The following SUFU variants were observed in gnomAD, a reference collection of about 807,000 sequenced individuals.
The protein encoded by SUFU is SUFU negative regulator of hedgehog signaling.
SUFU carries 7 observed loss-of-function variants against 58.9 expected under a neutral mutation model. The observed-to-expected ratio is 0.12, with a 90% CI of 0.07 to 0.22. The LOEUF (loss-of-function observed/expected upper bound fraction) is 0.22. Among genes scored for constraint, SUFU ranks in the 10% least tolerant of loss-of-function variants. The pLI is 1.00. For synonymous variants in SUFU, 232 were observed against 254.8 expected (o/e 0.91, Z 0.85); for missense variants, 451 against 641.3 (o/e 0.70, Z 3.20).
chr10:102,592,852 C>A, intron 4 of SUFU, 128 bp downstream of exon 4: 2 of 1,085,006 alleles, frequency 1.8e-6, no homozygotes, highest in Non-Finnish European at 2.7e-6. Flanking sequence ...TTTCTGTTTC[C>A]TCTGATGGTT....
At chr10:102,532,088 G>T (rs1564668064) in intron 2 of SUFU, among the ~76,000 whole-genome samples, 1 of 152,024 alleles carries the variant, frequency 6.6e-6, no homozygotes, top group Non-Finnish European at 1.5e-5. Flanking sequence ...TCGGCCTCCT[G>T]AGTAGCTGGG....
rs534274959 is a variant in SUFU at position 102,518,515 on chromosome 10, G to GTCTATCTATCTATCTATCTA, written c.317+9215_317+9216insATCTATCTATCTATCTATCT. Among the ~76,000 whole-genome samples the GTCTATCTATCTATCTATCTA allele has an allele frequency of 1.0e-3, 117 of 114,208 alleles. 1 individual carries two copies. The highest frequency in any genetic ancestry group is 4.1e-3 in the East Asian group (13 of 3,168). 74.9% of individuals were successfully genotyped at this position (114,208 alleles called of 152,430 possible). ...AAGCTATCTATCTAACTGTCTGTCTGTCTGTCTATCTATCTATCTATCTAT... is the reference window on the plus strand; with the variant it reads ...AAGCTATCTATCTAACTGTCTGTCTGTCTATCTATCTATCTATCTATCTGTCTATCTATCTATCTATCTAT... On this transcript the variant is annotated intron_variant, in intron 2 of 11. Transcript: ENST00000369902.
chr10:102,528,303 C>G (rs2062635143), intron 2 of SUFU, among the ~76,000 whole-genome samples: 1 of 152,076 alleles, frequency 6.6e-6, no homozygotes, highest in Admixed American at 6.5e-5. Flanking sequence ...GGTACAATGG[C>G]TCACACCTGT....
rs2063774169 is a variant in SUFU at position 102,625,150 on chromosome 10, C to T, written c.1297-2025C>T. Among the ~76,000 whole-genome samples the T allele has an allele frequency of 1.3e-5, 2 of 152,262 alleles. No individual in the cohort carries two copies. Among genetic ancestry groups the T allele is most frequent in the African/African-American group, 2.4e-5 (1 of 41,556 alleles). ...GGAAACTGAACTTTTGGGGAGGACA[C>T]CCCTGGGATAAGAGAGTAGGAGGAG... On this transcript the variant is annotated intron_variant, in intron 10 of 11. Transcript: ENST00000369902. This position sits in a 1 kb window ranked among gnomAD's most constrained non-coding sequence, Gnocchi z 4.7.
In SUFU at chr10:102,631,273, C is replaced by T; in HGVS notation, c.*1118C>T. ...CTAACACTGCTCTCTGCTGCCCTCCCATCCTCCCTGTATCCATTCATGCCC... is the reference window on the plus strand; with the variant it reads ...CTAACACTGCTCTCTGCTGCCCTCCTATCCTCCCTGTATCCATTCATGCCC... On this transcript the variant is annotated 3_prime_UTR_variant, in exon 12 of 12. Transcript: ENST00000369902. 1 of 233,528 alleles carries T rather than the reference C, an allele frequency of 4.3e-6. No homozygotes were observed. The highest frequency in any genetic ancestry group is 8.5e-6 in the Non-Finnish European group (1 of 118,176). 14.5% of individuals were successfully genotyped at this position (233,528 alleles called of 1,614,324 possible). A position where few individuals can be genotyped will look rare whatever the true frequency, so the allele number is the denominator to read the frequency against.
At chr10:102,596,026 C>CAG (rs2063458414) in intron 6 of SUFU, among the ~76,000 whole-genome samples, 1 of 152,146 alleles carries the variant, frequency 6.6e-6, no homozygotes, top group Admixed American at 6.6e-5. Flanking sequence ...GCTCCCTGCC[C>CAG]AGAGTACACA....
rs2063843581 is a variant in SUFU at position 102,632,155 on chromosome 10, G to A, written c.*2000G>A. Reference sequence around the variant, plus strand: ...CTTCCATCTGCTGGGTGCCTCCATCGTTGGTTGGGTGGGGATGGGGCATTT... The same window carrying A: ...CTTCCATCTGCTGGGTGCCTCCATCATTGGTTGGGTGGGGATGGGGCATTT... On this transcript the variant is annotated 3_prime_UTR_variant, in exon 12 of 12. Coordinates refer to ENST00000369902, the MANE Select transcript of SUFU (RefSeq NM_016169.4). 1 of 233,340 alleles carries A rather than the reference G, an allele frequency of 4.3e-6. No individual in the cohort carries two copies. Among genetic ancestry groups the A allele is most frequent in the Non-Finnish European group, 8.5e-6 (1 of 118,140 alleles). 14.5% of individuals were successfully genotyped at this position (233,340 alleles called of 1,614,324 possible). A position where few individuals can be genotyped will look rare whatever the true frequency, so the allele number is the denominator to read the frequency against.
At chr10:102,537,807 G>A (rs2062758127) in intron 2 of SUFU, among the ~76,000 whole-genome samples, 1 of 152,136 alleles carries the variant, frequency 6.6e-6, no homozygotes, top group African/African-American at 2.4e-5. Context: ...TCTATTGACT[G>A]ACTCTTGGGT....
At chr10:102,503,770 C>G (rs943229939), upstream of SUFU, among the ~76,000 whole-genome samples, 1 of 152,238 alleles carries the variant, frequency 6.6e-6, no homozygotes, top group Non-Finnish European at 1.5e-5. Flanking sequence ...CTCAGCATCT[C>G]TAAACTTGGG....
At chr10:102,616,207 A>G (rs1308504998) in intron 9 of SUFU, among the ~76,000 whole-genome samples, 1 of 152,158 alleles carries the variant, frequency 6.6e-6, no homozygotes, top group Non-Finnish European at 1.5e-5. Flanking sequence ...GCCCAGCCCT[A>G]TGGCCAGAAC....
chr10:102,520,415 C>A (rs1294446349), intron 2 of SUFU, among the ~76,000 whole-genome samples: 1 of 148,986 alleles, frequency 6.7e-6, no homozygotes, highest in Non-Finnish European at 1.5e-5. Flanking sequence ...AGATGGGGTT[C>A]TACCATGTTG....
rs909258527 is a variant in SUFU, at chr10:102,617,113, T to C, written c.1158-177T>C. 6.6e-6 allele frequency among the ~76,000 whole-genome samples: 1 copy of C among 152,208 alleles called. No homozygotes were observed. The highest frequency in any genetic ancestry group is 1.5e-5 in the Non-Finnish European group (1 of 68,042). On this transcript the variant is annotated intron_variant, in intron 9 of 11. Transcript: ENST00000369902. This position sits in a 1 kb window ranked among gnomAD's most constrained non-coding sequence, Gnocchi z 4.4. ...TGAGAGGAGCTTCTCTTTGAAGGTG[T>C]TGAAATGAGCGTGTTTGGATACAGT... is the stretch of plus-strand genomic sequence containing the variant.
chr10:102,551,836 T>C (rs532925221), intron 3 of SUFU, among the ~76,000 whole-genome samples: 1 of 143,446 alleles, frequency 7.0e-6, no homozygotes, highest in Non-Finnish European at 1.5e-5. Context: ...GCCATTCTCC[T>C]GCTTGAGCCT....
In SUFU at chr10:102,619,510, C is replaced by T. The variant is rs941613949; in HGVS notation, c.1296+2082C>T. 2.5e-5 allele frequency: 28 copies of T among 1,125,288 alleles called. No homozygotes were observed. The highest frequency in any genetic ancestry group is 3.8e-4 in the Middle Eastern group (1 of 2,642). The allele number at this position is 1,125,288 out of a possible 1,614,324, so 69.7% of individuals were successfully genotyped here. A position where few individuals can be genotyped will look rare whatever the true frequency, so the allele number is the denominator to read the frequency against. ...TCATTAGTGTGGTCCACCACGGGGC[C>T]GGCTCACAGGAGAGCTCCTGGGAAG... On this transcript the variant is annotated intron_variant, in intron 10 of 11. Transcript: ENST00000369902. The surrounding 1 kb of genome is among the most constrained non-coding windows in gnomAD (Gnocchi z 4.2).
chr10:102,602,323 A>T (rs1206278101), intron 8 of SUFU, among the ~76,000 whole-genome samples: 2 of 152,182 alleles, frequency 1.3e-5, no homozygotes, highest in Non-Finnish European at 2.9e-5. Flanking sequence ...ATTCTCAGGG[A>T]CCCCATGGGG....
intron 3 of SUFU, among the ~76,000 whole-genome samples, chr10:102,576,303 G>A (rs896076379): frequency 6.6e-6 from 1 of 151,724 alleles, no homozygotes; most frequent in African/African-American, 2.4e-5. Flanking sequence ...CTTCTTCTGG[G>A]TACCTATGAA....
chr10:102,522,918 G>A (rs1047505336), intron 2 of SUFU, among the ~76,000 whole-genome samples: 1 of 152,170 alleles, frequency 6.6e-6, no homozygotes, highest in African/African-American at 2.4e-5. Context: ...ATTGTGGGGA[G>A]GTGGGCCTGA....
chr10:102,502,823 T>G (rs1423308141), upstream of SUFU: 30 of 619,026 alleles, frequency 4.8e-5, no homozygotes, highest in South Asian at 5.4e-4. Context: ...CGATCTAGCT[T>G]GCTTTGTTGC....
In SUFU at chr10:102,617,628, C is replaced by A; in HGVS notation, c.1296+200C>A. On this transcript the variant is annotated intron_variant, in intron 10 of 11. Coordinates refer to ENST00000369902, the MANE Select transcript of SUFU (RefSeq NM_016169.4). The surrounding 1 kb of genome is among the most constrained non-coding windows in gnomAD (Gnocchi z 4.4). ...CACTCCAGCAGCTTAGGAGCACTTC[C>A]TGACCTTCTCCCCCTGTCACCTGAG... 1 of 660,332 alleles carries A rather than the reference C, an allele frequency of 1.5e-6. No individual in the cohort carries two copies. Among genetic ancestry groups the A allele is most frequent in the Non-Finnish European group, 2.7e-6 (1 of 374,098 alleles). The allele number at this position is 660,332 out of a possible 1,614,324, so 40.9% of individuals were successfully genotyped here.
Sources: allele counts gnomAD v4.1 joint callset (sites outside exome capture counted in the v4.1 genomes callset), GRCh38; gene constraint gnomAD v4.1.1; non-coding constraint Gnocchi (gnomAD v3.1); transcripts MANE v1.5; gene names NCBI Gene and HGNC (gene_info 2026-07-23, HGNC 2026-07-21).